The following SENP7 variants were observed in gnomAD, a reference collection of about 807,000 sequenced individuals.
The protein encoded by SENP7 is SUMO specific peptidase 7.
Under a neutral mutation model 141.2 loss-of-function variants are expected in SENP7, and 64 were observed. The observed-to-expected ratio is 0.45, with a 90% CI of 0.37 to 0.56. SENP7 has a LOEUF of 0.56. Among genes scored for constraint, SENP7 ranks in the 20% least tolerant of loss-of-function variants. The pLI is 0.00. For missense variants in SENP7, 1,025 were observed against 1,212.2 expected, an observed-to-expected ratio of 0.85 and a Z score of 2.29; for synonymous variants, 382 against 426.4, an observed-to-expected ratio of 0.90 and a Z score of 1.28.
At chr3:101,329,410 T>A (rs963621309) in intron 20 of SENP7, among the ~76,000 whole-genome samples, 26 of 152,010 alleles carry the variant, frequency 1.7e-4, no homozygotes, top group Admixed American at 1.7e-3. Flanking sequence ...CCTTCCTCCG[T>A]AAGAAGTGAC....
At chr3:101,463,364 A>ATATAT (rs1553744608) in intron 3 of SENP7, among the ~76,000 whole-genome samples, 9 of 89,202 alleles carry the variant, frequency 1.0e-4, no homozygotes, top group East Asian at 3.2e-4. Flanking sequence ...TAAATAAATA[A>ATATAT]ATATATATAT....
At chr3:101,447,575 T>C (rs1011340696) in intron 4 of SENP7, among the ~76,000 whole-genome samples, 1 of 151,966 alleles carries the variant, frequency 6.6e-6, no homozygotes, top group African/African-American at 2.4e-5. Flanking sequence ...AAAACACTAT[T>C]GAAAAAAATT....
chr3:101,390,380 CA>C (rs2060785384), intron 6 of SENP7, among the ~76,000 whole-genome samples: 1 of 150,264 alleles, frequency 6.7e-6, no homozygotes, highest in Non-Finnish European at 1.5e-5. Flanking sequence ...AAATGGAAAC[CA>C]AAAGCATGCA....
intron 8 of SENP7, among the ~76,000 whole-genome samples, chr3:101,367,248 C>T (rs1430984533): frequency 6.6e-6 from 1 of 151,938 alleles, no homozygotes; most frequent in African/African-American, 2.4e-5. Context: ...TAATTACAAC[C>T]CAAAAACATT....
At chr3:101,365,422 G>T (rs943524208) in intron 9 of SENP7, among the ~76,000 whole-genome samples, 3 of 151,626 alleles carry the variant, frequency 2.0e-5, no homozygotes, top group Admixed American at 6.6e-5. Flanking sequence ...GATTCCCTGA[G>T]GTCAGGAGTT....
chr3:101,376,740 A>T (rs532159455), intron 6 of SENP7, among the ~76,000 whole-genome samples: 77 of 152,294 alleles, frequency 5.1e-4, no homozygotes, highest in Non-Finnish European at 7.6e-4. Context: ...CATATGTAAC[A>T]AACCTGCACG....
intron 11 of SENP7, chr3:101,359,091 C>G (rs1481512428): frequency 6.6e-6 from 1 of 151,592 alleles, no homozygotes; most frequent in Non-Finnish European, 1.5e-5. Flanking sequence ...ATGTATAAAA[C>G]GTGACAAAGC....
chr3:101,436,195 G>A (rs142081835), intron 4 of SENP7, among the ~76,000 whole-genome samples: 3 of 152,208 alleles, frequency 2.0e-5, no homozygotes, highest in East Asian at 1.9e-4. Context: ...TTCATTAAGT[G>A]ATCCTGGGAA....
chr3:101,457,880 C>A (rs915214070), intron 4 of SENP7: 2 of 458,470 alleles, frequency 4.4e-6, no homozygotes, highest in African/African-American at 1.9e-5. Flanking sequence ...GCAAAGTCTT[C>A]AGGATATGTC....
Position 101,366,493 on chromosome 3 carries a change from T to C in SENP7, c.1255A>G (p.Ile419Val). The change falls in exon 9 of 24, where the codon ATA becomes GTA. Residue 419 changes from isoleucine (I) to valine (V), a missense_variant. Physicochemically the swap from Ile to Val is conservative, Grantham distance 29. This residue lies in a region of SENP7 where 496 missense variants were observed against 503.5 expected (regional missense o/e 0.99). Transcript: ENST00000394095. ...VEKDENELNT[I>V]EKPILRGHNE... Reference sequence around the variant, plus strand: ...TGTCCTCTTAGAATAGGCTTTTCTATGGTATTCAACTCATTCTCATCCTTC... The same window carrying C: ...TGTCCTCTTAGAATAGGCTTTTCTACGGTATTCAACTCATTCTCATCCTTC... 1.9e-6 allele frequency: 3 copies of C among 1,613,696 alleles called. No homozygotes were observed. The highest frequency in any genetic ancestry group is 2.5e-6 in the Non-Finnish European group (3 of 1,179,712).
rs375137471 is a variant in SENP7, at chr3:101,347,659, T to C, written c.1837+213A>G. The C allele has an allele frequency of 5.5e-4, 146 of 267,100 alleles. No individual in the cohort carries two copies. In the South Asian group the frequency reaches 0.011, roughly 21 times the overall value. The allele number at this position is 267,100 out of a possible 1,614,324, so 16.5% of individuals were successfully genotyped here. On this transcript the variant is annotated intron_variant, in intron 13 of 23. Coordinates refer to ENST00000394095, the MANE Select transcript of SENP7 (RefSeq NM_020654.5). Reference sequence around the variant, plus strand: ...ATGGCGTGAACCCGGGAGGCAGAGCTTGCGGTGAGCAGAGATAGTGCCACT... The same window carrying C: ...ATGGCGTGAACCCGGGAGGCAGAGCCTGCGGTGAGCAGAGATAGTGCCACT...
chr3:101,395,182 T>C (rs574107740), intron 6 of SENP7, among the ~76,000 whole-genome samples: 31 of 152,348 alleles, frequency 2.0e-4, no homozygotes, highest in Non-Finnish European at 3.7e-4. Context: ...GTATTTTTTG[T>C]TGTTGCCTGT....
At chr3:101,422,847 T>C (rs955620798) in intron 4 of SENP7, among the ~76,000 whole-genome samples, 3 of 150,892 alleles carry the variant, frequency 2.0e-5, no homozygotes, top group African/African-American at 7.3e-5. Context: ...TGCCTATGAA[T>C]AAAAAAAAAT....
At chr3:101,508,047 CAAAA>C (rs61638290) in intron 1 of SENP7, among the ~76,000 whole-genome samples, 8 of 90,122 alleles carry the variant, frequency 8.9e-5, no homozygotes, top group Admixed American at 1.4e-4. Flanking sequence ...GACTCCATCT[CAAAA>C]AAAAAAAAAA....
intron 11 of SENP7, chr3:101,357,847 G>A: frequency 1.8e-6 from 1 of 563,634 alleles, no homozygotes; most frequent in South Asian, 1.7e-5. Context: ...AAACGCTACA[G>A]ATGTGAAGAA....
chr3:101,459,504 A>G (rs1204126440), intron 3 of SENP7, among the ~76,000 whole-genome samples: 4 of 152,210 alleles, frequency 2.6e-5, no homozygotes, highest in African/African-American at 9.6e-5. Context: ...TAGATTAAAT[A>G]TGACTAGAAT....
chr3:101,413,517 A>C (rs1420332063), intron 5 of SENP7, among the ~76,000 whole-genome samples: 1 of 152,198 alleles, frequency 6.6e-6, no homozygotes, highest in Non-Finnish European at 1.5e-5. Flanking sequence ...AGCATTTAAT[A>C]AGTGTCCAGT....
At chr3:101,365,036 A>T (rs748420653) in intron 9 of SENP7, 45 bp from the exon 10 acceptor site, 1 of 1,251,752 alleles carries the variant, frequency 8.0e-7, no homozygotes, top group Non-Finnish European at 1.0e-6. Flanking sequence ...TTATTTATTT[A>T]TTTATTTATT....
At chr3:101,406,238 G>T (rs1043032556) in intron 5 of SENP7, among the ~76,000 whole-genome samples, 3 of 152,162 alleles carry the variant, frequency 2.0e-5, no homozygotes, top group African/African-American at 7.2e-5. Context: ...ATACACCATG[G>T]AATACTATGC....
Sources: gnomAD v4.1 joint callset for allele counts (sites outside exome capture counted in the v4.1 genomes callset) on GRCh38, gnomAD v4.1.1 for gene constraint, gnomAD v4.1.1 regional missense constraint, MANE v1.5 for transcripts, NCBI Gene and HGNC (gene_info 2026-07-23, HGNC 2026-07-21) for gene names.